THSD4: variants seen among roughly 807,000 people sequenced by gnomAD.
The protein encoded by THSD4 is thrombospondin type 1 domain containing 4.
A neutral mutation model predicts 119.0 loss-of-function variants in THSD4; 69 were observed. The ratio of observed to expected loss-of-function variants is 0.58; its 90% CI spans 0.48 to 0.71. THSD4 has a LOEUF of 0.71. Among genes scored for constraint, THSD4 ranks in the 30% least tolerant of loss-of-function variants. The pLI is 0.00. For synonymous variants in THSD4, 524 were observed against 540.4 expected, an observed-to-expected ratio of 0.97 and a Z score of 0.42; for missense variants, 1,393 against 1,391.1, an observed-to-expected ratio of 1.00 and a Z score of -0.02.
At chr15:71,625,331 A>G (rs2050489058) in intron 7 of THSD4, among the ~76,000 whole-genome samples, 1 of 152,220 alleles carries the variant, frequency 6.6e-6, no homozygotes, top group East Asian at 1.9e-4. Flanking sequence ...ACCTTTGATA[A>G]ATCCATCTAT....
In THSD4 at chr15:71,643,946, G is replaced by A. The variant is rs114079270; in HGVS notation, c.1153-16584G>A. The stretch of plus-strand genomic sequence containing the variant: ...TGCAGAGATGTCTGGTGTGTTACAC[G>A]TAGGCGTATACTGTGGTTGAGTATA... On this transcript the variant is annotated intron_variant, in intron 7 of 17. Coordinates refer to ENST00000261862, the MANE Select transcript of THSD4 (RefSeq NM_024817.3). Among the ~76,000 whole-genome samples the A allele has an allele frequency of 3.5e-3, 531 of 152,326 alleles. 3 individuals are homozygous for A. Among genetic ancestry groups the A allele is most frequent in the African/African-American group, 0.012 (506 of 41,578 alleles).
intron 3 of THSD4, among the ~76,000 whole-genome samples, chr15:71,214,403 TCAA>T (rs1466225744): frequency 6.6e-6 from 1 of 152,228 alleles, no homozygotes; most frequent in Non-Finnish European, 1.5e-5. Context: ...GCTGTAACAC[TCAA>T]CAGCGAAGGT....
At chr15:71,554,649 G>A (rs1421824991) in intron 7 of THSD4, among the ~76,000 whole-genome samples, 1 of 151,888 alleles carries the variant, frequency 6.6e-6, no homozygotes, top group Non-Finnish European at 1.5e-5. Flanking sequence ...TCCCACCTCA[G>A]ACTCCCCAAC....
chr15:71,751,273 C>T (rs1012883258), intron 14 of THSD4, among the ~76,000 whole-genome samples: 3 of 152,174 alleles, frequency 2.0e-5, no homozygotes, highest in Non-Finnish European at 4.4e-5. Context: ...GCTGGACTTT[C>T]ATTTTTATAT....
intron 7 of THSD4, among the ~76,000 whole-genome samples, chr15:71,545,505 G>A (rs10851845): frequency 0.49 from 75,212 of 152,108 alleles, 19,053 homozygotes; most frequent in East Asian, 0.77. Context: ...TTGAGCCCAC[G>A]TGGTCTGTAA....
At chr15:71,352,819 A>G (rs2045761282) in intron 6 of THSD4, among the ~76,000 whole-genome samples, 1 of 152,152 alleles carries the variant, frequency 6.6e-6, no homozygotes, top group South Asian at 2.1e-4. Flanking sequence ...TTGGGAGGGG[A>G]TAGAGGAAAG....
chr15:71,700,673 C>A (rs1350808063), intron 8 of THSD4, among the ~76,000 whole-genome samples: 1 of 151,854 alleles, frequency 6.6e-6, no homozygotes, highest in Non-Finnish European at 1.5e-5. Flanking sequence ...ATTTTATAAG[C>A]CCACAGCAAT....
rs116179093 is a variant in THSD4, at chr15:71,754,882, T to G, written c.2416-3020T>G. Reference sequence around the variant, plus strand: ...CAAAGGGTGATAAACTATGGAGAAGTGATTAGACAAAGGAAAGGGGCTGGG... The same window carrying G: ...CAAAGGGTGATAAACTATGGAGAAGGGATTAGACAAAGGAAAGGGGCTGGG... On this transcript the variant is annotated intron_variant, in intron 14 of 17. Transcript: ENST00000261862. 1.4e-3 allele frequency among the ~76,000 whole-genome samples: 209 copies of G among 152,084 alleles called. 1 individual carries two copies. The highest frequency in any genetic ancestry group is 4.4e-3 in the African/African-American group (181 of 41,456).
At chr15:71,685,244 A>G (rs934948651) in intron 8 of THSD4, among the ~76,000 whole-genome samples, 2 of 151,832 alleles carry the variant, frequency 1.3e-5, no homozygotes, top group African/African-American at 2.4e-5. Flanking sequence ...CATAAATTCA[A>G]TGTGTGACAC....
chr15:71,140,107 C>T (rs752934877), intron 1 of THSD4, among the ~76,000 whole-genome samples: 3 of 152,232 alleles, frequency 2.0e-5, no homozygotes, highest in African/African-American at 4.8e-5. Context: ...ACTGTGACAA[C>T]GTATTTTAAG....
intron 2 of THSD4, 51 bp from the exon 3 acceptor site, chr15:71,154,812 G>C: frequency 6.3e-7 from 1 of 1,585,256 alleles, no homozygotes; most frequent in Non-Finnish European, 8.7e-7. Context: ...CCTGGGTGCT[G>C]CTGCCTGGAA....
At chr15:71,325,684 AT>A (rs1237403422) in intron 6 of THSD4, among the ~76,000 whole-genome samples, 3 of 152,036 alleles carry the variant, frequency 2.0e-5, no homozygotes, top group African/African-American at 4.8e-5. Context: ...CTGCTTAGGA[AT>A]TTTTTTTCGA....
rs560373417 is a variant in THSD4 at position 71,542,908 on chromosome 15, A to G, written c.1153-117622A>G. 2.0e-4 allele frequency among the ~76,000 whole-genome samples: 31 copies of G among 152,180 alleles called. No individual in the cohort carries two copies. The South Asian group carries it at 6.2e-3, about 31-fold the overall frequency. The stretch of plus-strand genomic sequence containing the variant: ...AAAAACAAAAAAACAAAAAAAACAA[A>G]TTGAAGGATAATCTAAAAAGTACCT... On this transcript the variant is annotated intron_variant, in intron 7 of 17. Coordinates refer to ENST00000261862, the MANE Select transcript of THSD4 (RefSeq NM_024817.3).
intron 15 of THSD4, among the ~76,000 whole-genome samples, chr15:71,763,909 T>A (rs929525269): frequency 8.6e-5 from 13 of 151,760 alleles, no homozygotes; most frequent in African/African-American, 2.4e-4. Flanking sequence ...TACAAAAAAA[T>A]ACAAAAATTA....
At chr15:71,737,082 C>T (rs765687526) in intron 10 of THSD4, among the ~76,000 whole-genome samples, 1 of 152,190 alleles carries the variant, frequency 6.6e-6, no homozygotes, top group Non-Finnish European at 1.5e-5. Flanking sequence ...TGTAGCATAA[C>T]GTAGTTTAAC....
chr15:71,603,424 G>C (rs921206445), intron 7 of THSD4, among the ~76,000 whole-genome samples: 1 of 152,212 alleles, frequency 6.6e-6, no homozygotes, highest in Non-Finnish European at 1.5e-5. Context: ...TCCCAGTGCA[G>C]AGGTGGGTCA....
chr15:71,207,802 A>T (rs1210547021), intron 3 of THSD4, among the ~76,000 whole-genome samples: 1 of 152,178 alleles, frequency 6.6e-6, no homozygotes, highest in African/African-American at 2.4e-5. Context: ...TCCTGAAACC[A>T]TCTCTACCCC....
chr15:71,193,285 T>C (rs576027068), intron 3 of THSD4, among the ~76,000 whole-genome samples: 92 of 152,168 alleles, frequency 6.0e-4, no homozygotes, highest in Non-Finnish European at 1.3e-3. Flanking sequence ...CACAGCTTGG[T>C]GATTGGGGTG....
chr15:71,436,335 A>G (rs2047013021), intron 7 of THSD4, among the ~76,000 whole-genome samples: 1 of 152,256 alleles, frequency 6.6e-6, no homozygotes, highest in African/African-American at 2.4e-5. Context: ...GAGAAGGATT[A>G]GATAATATGA....
Sources: allele counts gnomAD v4.1 joint callset (sites outside exome capture counted in the v4.1 genomes callset), GRCh38; gene constraint gnomAD v4.1.1; transcripts MANE v1.5; gene names NCBI Gene and HGNC (gene_info 2026-07-23, HGNC 2026-07-21).